The following WDR47 variants were observed in gnomAD, a reference collection of about 807,000 sequenced individuals.
The protein encoded by WDR47 is WD repeat domain 47.
WDR47 carries 32 observed loss-of-function variants against 97.2 expected under a neutral mutation model. The ratio of observed to expected loss-of-function variants is 0.33; its 90% CI spans 0.25 to 0.44. WDR47 has a LOEUF of 0.44. Among genes scored for constraint, WDR47 ranks in the 20% least tolerant of loss-of-function variants. The pLI, the probability that WDR47 is intolerant of heterozygous loss-of-function variation, is 1.00. For synonymous variants in WDR47, 375 were observed against 373.5 expected (o/e 1.00, Z -0.05); for missense variants, 782 against 1,102.3 (o/e 0.71, Z 4.11).
intron 7 of WDR47, 120 bp downstream of exon 7, chr1:109,002,104 T>G: frequency 9.5e-6 from 11 of 1,160,624 alleles, no homozygotes; most frequent in Non-Finnish European, 1.3e-5. Flanking sequence ...TAACTCCACA[T>G]TACTTCAAAT....
At chr1:109,026,399 C>G (rs777047781) in intron 1 of WDR47, among the ~76,000 whole-genome samples, 1 of 151,016 alleles carries the variant, frequency 6.6e-6, no homozygotes, top group African/African-American at 2.4e-5. Flanking sequence ...AAATTCTGAT[C>G]ATATCAGAAC....
intron 1 of WDR47, among the ~76,000 whole-genome samples, chr1:109,039,334 T>G (rs1013133891): frequency 2.6e-5 from 4 of 152,102 alleles, no homozygotes; most frequent in Non-Finnish European, 4.4e-5. Flanking sequence ...CTTGGCTCAC[T>G]GCAACCTCTG....
intron 1 of WDR47, among the ~76,000 whole-genome samples, chr1:109,032,776 A>G (rs1179877883): frequency 6.6e-6 from 1 of 151,646 alleles, no homozygotes; most frequent in African/African-American, 2.4e-5. Flanking sequence ...ATGTGCCTAT[A>G]ATCCCAGCTA....
intron 3 of WDR47, among the ~76,000 whole-genome samples, chr1:109,016,393 C>T (rs920752630): frequency 1.3e-5 from 2 of 152,040 alleles, no homozygotes; most frequent in African/African-American, 4.8e-5. Flanking sequence ...CAGAATGAGA[C>T]CCTGTCTCAA....
intron 1 of WDR47, among the ~76,000 whole-genome samples, chr1:109,034,605 G>A (rs560214302): frequency 8.5e-5 from 13 of 152,178 alleles, no homozygotes; most frequent in Non-Finnish European, 1.9e-4. Context: ...TAGATCAGCA[G>A]TGGCATTAGA....
At position 108,986,732 on chromosome 1, in the gene WDR47, A is replaced by C. The variant is rs112960126; in HGVS notation, c.1768-52T>G. On this transcript the variant is annotated intron_variant, in intron 9 of 14. Coordinates refer to ENST00000369962, the MANE Select transcript of WDR47 (RefSeq NM_001142551.2). ...CCTATTAAAAAAATGAATTTGAAAG[A>C]ATTCATCTTTCTCCCATTTTAAATT... 167 of 1,403,304 alleles carry C rather than the reference A, an allele frequency of 1.2e-4. No individual in the cohort carries two copies. In the African/African-American group the frequency reaches 2.1e-3, roughly 18 times the overall value. 86.9% of individuals were successfully genotyped at this position (1,403,304 alleles called of 1,614,324 possible).
At chr1:108,998,975 C>A (rs1368952325) in intron 7 of WDR47, among the ~76,000 whole-genome samples, 1 of 152,052 alleles carries the variant, frequency 6.6e-6, no homozygotes, top group African/African-American at 2.4e-5. Context: ...CCTGTAATCC[C>A]AGCACTTTGG....
At chr1:109,041,479 G>A (rs1018459569) in intron 1 of WDR47, 1 of 152,256 alleles carries the variant, frequency 6.6e-6, no homozygotes, top group Non-Finnish European at 1.5e-5. Context: ...ACCAAGGGGC[G>A]AGGAAGGAAG....
At chr1:109,021,527 C>CA (rs370414324) in intron 2 of WDR47, among the ~76,000 whole-genome samples, 104,324 of 123,812 alleles carry the variant, frequency 0.84, 44,284 homozygotes, top group East Asian at 0.95. Context: ...GCCTCTATCT[C>CA]AAAAAAAAAA....
intron 1 of WDR47, among the ~76,000 whole-genome samples, chr1:109,040,304 C>G (rs1403026424): frequency 6.6e-6 from 1 of 152,164 alleles, no homozygotes; most frequent in African/African-American, 2.4e-5. Flanking sequence ...CTGCAGCATA[C>G]ATTAAGCATT....
At chr1:108,992,104 C>T (rs973297694) in intron 8 of WDR47, among the ~76,000 whole-genome samples, 1 of 151,618 alleles carries the variant, frequency 6.6e-6, no homozygotes, top group African/African-American at 2.4e-5. Context: ...ACAAAAGCTA[C>T]AAAAATGTAA....
chr1:109,023,518 T>C lies in WDR47; in HGVS notation c.-6A>G, dbSNP rs913109879. 2 of 1,609,772 alleles carry C rather than the reference T, an allele frequency of 1.2e-6. No homozygotes were observed. On this transcript the variant is annotated 5_prime_UTR_variant, in exon 2 of 15. Transcript: ENST00000369962. ...ACTGTTTCTTCAGCCGTCATATTGA[T>C]AGCCTAAATATGAAACAGAAAAACA...
intron 9 of WDR47, among the ~76,000 whole-genome samples, chr1:108,987,915 T>G (rs1290643011): frequency 6.6e-6 from 1 of 152,042 alleles, no homozygotes; most frequent in Non-Finnish European, 1.5e-5. Flanking sequence ...CACTCAAGTT[T>G]TTCTTCAATT....
chr1:108,977,485 A>G (rs1658000714), intron 13 of WDR47, among the ~76,000 whole-genome samples: 1 of 152,106 alleles, frequency 6.6e-6, no homozygotes, highest in Admixed American at 6.5e-5. Context: ...TAACTTTTAG[A>G]TCATGTAGCT....
intron 9 of WDR47, among the ~76,000 whole-genome samples, chr1:108,988,104 C>T (rs1208048667): frequency 6.7e-6 from 1 of 148,838 alleles, no homozygotes; most frequent in Non-Finnish European, 1.5e-5. Flanking sequence ...TTTTAGACGG[C>T]TGTGGTGGTA....
chr1:109,020,774 T>C (rs1571234429), intron 2 of WDR47, among the ~76,000 whole-genome samples: 1 of 152,122 alleles, frequency 6.6e-6, no homozygotes, highest in East Asian at 1.9e-4. Flanking sequence ...TAACACAAAA[T>C]ATAGGGAAGT....
At position 108,986,507 on chromosome 1, in the gene WDR47, A is replaced by C; in HGVS notation, c.1925+16T>G. The C allele has an allele frequency of 6.3e-7, 1 of 1,586,320 alleles. No homozygotes were observed. Among genetic ancestry groups the C allele is most frequent in the Non-Finnish European group, 8.6e-7 (1 of 1,165,458 alleles). On this transcript the variant is annotated intron_variant, in intron 10 of 14. Transcript: ENST00000369962. ...AAACTAAGGTAAGAATGGCAGCACA[A>C]ATCATTGATCCTTACCTTGGATCAA... is the stretch of plus-strand genomic sequence containing the variant.
intron 1 of WDR47, among the ~76,000 whole-genome samples, chr1:109,037,428 G>A (rs1425251985): frequency 6.6e-6 from 1 of 151,638 alleles, no homozygotes; most frequent in Non-Finnish European, 1.5e-5. Flanking sequence ...CACGAGGTCA[G>A]GAGATCGAGA....
At position 109,029,385 on chromosome 1, in the gene WDR47, C is replaced by T. The variant is rs141493164; in HGVS notation, c.-9-5864G>A. ...TAAAAATACAAACAAATTGGCCAGG[C>T]GCAGTGGCTCATGCCTATAATCCCA... On this transcript the variant is annotated intron_variant, in intron 1 of 14. Transcript: ENST00000369962. Among the ~76,000 whole-genome samples, 1,221 of 152,078 alleles carry T rather than the reference C, an allele frequency of 8.0e-3. 16 individuals carry two copies. Among genetic ancestry groups the T allele is most frequent in the African/African-American group, 0.028 (1,159 of 41,486 alleles).
Sources: gnomAD v4.1 joint callset for allele counts (sites outside exome capture counted in the v4.1 genomes callset) on GRCh38, gnomAD v4.1.1 for gene constraint, MANE v1.5 for transcripts, NCBI Gene and HGNC (gene_info 2026-07-23, HGNC 2026-07-21) for gene names.